ZNF536: variants seen among roughly 807,000 people sequenced by gnomAD.
The protein encoded by ZNF536 is zinc finger protein 536.
ZNF536 carries 13 observed loss-of-function variants against 84.5 expected under a neutral mutation model. The observed-to-expected ratio is 0.15, with a 90% CI of 0.10 to 0.24. The LOEUF is 0.24. Among genes scored for constraint, ZNF536 ranks in the 10% least tolerant of loss-of-function variants. ZNF536 has a pLI of 1.00. For synonymous variants in ZNF536, 811 were observed against 742.5 expected (o/e 1.09, Z -1.50); for missense variants, 1,536 against 1,747.5 (o/e 0.88, Z 2.16).
At chr19:30,574,707 A>G (rs910903494) in intron 1 of ZNF536, among the ~76,000 whole-genome samples, 6 of 152,250 alleles carry the variant, frequency 3.9e-5, no homozygotes, top group East Asian at 1.9e-4. Flanking sequence ...AGGCCAGGCC[A>G]TGTCACAGCA....
chr19:30,552,027 TG>T (rs373613666), intron 4 of ZNF536, among the ~76,000 whole-genome samples: 9 of 151,770 alleles, frequency 5.9e-5, no homozygotes, highest in African/African-American at 2.2e-4. Context: ...CAAATCCAAA[TG>T]GGCTGTTTTT....
intron 1 of ZNF536, among the ~76,000 whole-genome samples, chr19:30,684,977 T>A (rs2051115813): frequency 6.6e-6 from 1 of 152,192 alleles, no homozygotes; most frequent in Admixed American, 6.5e-5. Flanking sequence ...GAGGGGGTTG[T>A]CTCAATTACA....
intron 1 of ZNF536, among the ~76,000 whole-genome samples, chr19:30,439,384 C>A (rs1464431187): frequency 1.3e-5 from 2 of 152,162 alleles, no homozygotes; most frequent in South Asian, 4.1e-4. Context: ...TAAACGCATT[C>A]TGGATGGGTG....
chr19:30,646,835 C>T (rs1168747884), intron 1 of ZNF536, among the ~76,000 whole-genome samples: 4 of 152,194 alleles, frequency 2.6e-5, no homozygotes, highest in South Asian at 4.2e-4. Flanking sequence ...GGCGCATTTC[C>T]GAAGCAAGGC....
intron 1 of ZNF536, among the ~76,000 whole-genome samples, chr19:30,689,239 C>G (rs866452726): frequency 2.0e-5 from 3 of 152,244 alleles, no homozygotes; most frequent in Non-Finnish European, 4.4e-5. Context: ...ACCTGTCTGC[C>G]TGCATCTGGA....
intron 1 of ZNF536, among the ~76,000 whole-genome samples, chr19:30,612,277 C>G (rs1020100406): frequency 6.6e-5 from 10 of 152,148 alleles, no homozygotes; most frequent in African/African-American, 1.9e-4. Flanking sequence ...CCCTGTCCCC[C>G]CAAATCCAGT....
chr19:30,234,771 A>ATG lies in ZNF536; in HGVS notation c.-190+6098_-190+6099insTG, dbSNP rs1555771463. 4.0e-5 allele frequency among the ~76,000 whole-genome samples: 6 copies of ATG among 148,900 alleles called. No homozygotes were observed. In the East Asian group the frequency reaches 7.9e-4, roughly 20 times the overall value. ...CACACACACACACACACACACACAC[A>ATG]CACGCGCACACGCACCCCACACCAC... On this transcript the variant is annotated intron_variant, in intron 1 of 5. Transcript: ENST00000585628.
intron 2 of ZNF536, among the ~76,000 whole-genome samples, chr19:30,451,787 C>T (rs1049169399): frequency 6.6e-6 from 1 of 152,212 alleles, no homozygotes; most frequent in Non-Finnish European, 1.5e-5. Context: ...TTCCAACACT[C>T]CTGCCCACGG....
At chr19:30,520,345 C>A (rs1005547472) in intron 2 of ZNF536, among the ~76,000 whole-genome samples, 1 of 152,090 alleles carries the variant, frequency 6.6e-6, no homozygotes, top group Admixed American at 6.5e-5. Context: ...GACTGAAGGG[C>A]CCTGGGACCT....
chr19:30,531,664 A>G (rs1306838347), intron 2 of ZNF536, among the ~76,000 whole-genome samples: 1 of 151,844 alleles, frequency 6.6e-6, no homozygotes, highest in Non-Finnish European at 1.5e-5. Flanking sequence ...TTGCTGTGTT[A>G]CCCAGGCTGG....
At chr19:30,666,830 G>GTA (rs1471604885) in intron 1 of ZNF536, among the ~76,000 whole-genome samples, 1 of 145,424 alleles carries the variant, frequency 6.9e-6, no homozygotes, top group South Asian at 2.2e-4. Context: ...ATGTGTGTGT[G>GTA]TGTATATATA....
intron 1 of ZNF536, among the ~76,000 whole-genome samples, chr19:30,666,572 C>T (rs949958656): frequency 2.0e-5 from 3 of 151,984 alleles, no homozygotes; most frequent in East Asian, 1.9e-4. Flanking sequence ...GCTTTCTGAG[C>T]CTCAAGGTGG....
chr19:30,669,846 T>C (rs1197172838), intron 1 of ZNF536, among the ~76,000 whole-genome samples: 1 of 152,234 alleles, frequency 6.6e-6, no homozygotes, highest in Non-Finnish European at 1.5e-5. Flanking sequence ...GACGTATTCA[T>C]TGTGGCAATG....
intron 1 of ZNF536, among the ~76,000 whole-genome samples, chr19:30,253,076 G>A (rs954752540): frequency 6.6e-6 from 1 of 152,146 alleles, no homozygotes; most frequent in African/African-American, 2.4e-5. Context: ...ATTCCAGTTG[G>A]AACCATCACC....
intron 1 of ZNF536, among the ~76,000 whole-genome samples, chr19:30,573,824 C>A (rs1347630028): frequency 1.3e-5 from 2 of 152,176 alleles, no homozygotes; most frequent in Non-Finnish European, 2.9e-5. Context: ...CCTGCCTGCA[C>A]CATGAAGTTT....
intron 2 of ZNF536, among the ~76,000 whole-genome samples, chr19:30,516,921 C>G (rs2044103418): frequency 6.6e-6 from 1 of 152,066 alleles, no homozygotes; most frequent in Non-Finnish European, 1.5e-5. Context: ...TAGGGGAAGG[C>G]CAGGTGTGGT....
chr19:30,705,555 A>T lies in ZNF536; in HGVS notation c.170-5202A>T, dbSNP rs112868146. 3.8e-4 allele frequency among the ~76,000 whole-genome samples: 58 copies of T among 152,286 alleles called. 1 individual carries two copies. Among genetic ancestry groups the T allele is most frequent in the African/African-American group, 1.4e-3 (57 of 41,558 alleles). ...AGATTCACTGTATCTCAGCTCTCTC[A>T]TCTGTACAATGGAGCTGATATCATC... On this transcript the variant is annotated intron_variant, in intron 1 of 1. Transcript: ENST00000592773.
At chr19:30,625,627 G>C (rs2048646938) in intron 1 of ZNF536, among the ~76,000 whole-genome samples, 1 of 152,214 alleles carries the variant, frequency 6.6e-6, no homozygotes, top group South Asian at 2.1e-4. Flanking sequence ...ATAATGTTGA[G>C]AGGTTATGAA....
At chr19:30,705,400 ATG>A (rs1325480408) in intron 1 of ZNF536, among the ~76,000 whole-genome samples, 2 of 152,030 alleles carry the variant, frequency 1.3e-5, no homozygotes, top group Non-Finnish European at 2.9e-5. Context: ...CTAACACATT[ATG>A]TGTGTGTGTA....
Sources: gnomAD v4.1 joint callset for allele counts (sites outside exome capture counted in the v4.1 genomes callset) on GRCh38, gnomAD v4.1.1 for gene constraint, MANE v1.5 for transcripts, NCBI Gene and HGNC (gene_info 2026-07-23, HGNC 2026-07-21) for gene names.